The following RBFOX1 variants were observed in gnomAD, a reference collection of about 807,000 sequenced individuals.
The protein encoded by RBFOX1 is RNA binding fox-1 homolog 1.
In RBFOX1, 8 loss-of-function variants were observed where a neutral mutation model predicts 57.7. That is an observed-to-expected ratio of 0.14 (90% CI 0.08 to 0.25). RBFOX1 has a LOEUF of 0.25. RBFOX1 is among the 10% of genes least tolerant of loss of function. The pLI is 1.00. For synonymous variants in RBFOX1, 326 were observed against 222.4 expected (o/e 1.47, Z -4.15); for missense variants, 611 against 548.5 (o/e 1.11, Z -1.14).
chr16:6,965,644 C>G (rs963468187), intron 3 of RBFOX1, among the ~76,000 whole-genome samples: 1 of 152,128 alleles, frequency 6.6e-6, no homozygotes, highest in African/African-American at 2.4e-5. Flanking sequence ...GCTGACAAAT[C>G]CAGTTTTCAC....
chr16:7,028,821 G>C (rs920630704), intron 3 of RBFOX1, among the ~76,000 whole-genome samples: 3 of 151,090 alleles, frequency 2.0e-5, no homozygotes, highest in African/African-American at 7.3e-5. Flanking sequence ...AAAGCCAGCA[G>C]TATGTGGACA....
intron 2 of RBFOX1, among the ~76,000 whole-genome samples, chr16:6,554,795 CACACACAGATAAACACACAG>C (rs1273546253): frequency 3.3e-5 from 5 of 149,606 alleles, no homozygotes; most frequent in African/African-American, 1.3e-4. Flanking sequence ...CACACACAGA[CACACACAGATAAACACACAG>C]ACACACAGAC....
chr16:7,003,458 T>TAA (rs71147633), intron 3 of RBFOX1, among the ~76,000 whole-genome samples: 7,079 of 143,542 alleles, frequency 0.049, 214 homozygotes, highest in Non-Finnish European at 0.069. Flanking sequence ...GACTCCATCT[T>TAA]AAAAAAAAAA....
intron 3 of RBFOX1, among the ~76,000 whole-genome samples, chr16:6,969,104 T>C (rs942442526): frequency 6.6e-6 from 1 of 152,148 alleles, no homozygotes; most frequent in Non-Finnish European, 1.5e-5. Flanking sequence ...TCCTAATGCA[T>C]TGGTTAAGAG....
intron 2 of RBFOX1, among the ~76,000 whole-genome samples, chr16:5,546,827 A>G (rs1027747843): frequency 2.5e-4 from 38 of 152,328 alleles, no homozygotes; most frequent in Middle Eastern, 3.4e-3. Context: ...GACCAGCAAC[A>G]TATTTGGAGA....
rs529438194 is a variant in RBFOX1 at position 5,753,857 on chromosome 16, GA to G, written c.319-113435del. Among the ~76,000 whole-genome samples the G allele has an allele frequency of 4.5e-3, 646 of 142,174 alleles. 8 individuals are homozygous for G. Among genetic ancestry groups the G allele is most frequent in the African/African-American group, 0.015 (597 of 38,846 alleles). The allele number at this position is 142,174 out of a possible 152,430, so 93.3% of individuals were successfully genotyped here. A position where few individuals can be genotyped will look rare whatever the true frequency, so the allele number is the denominator to read the frequency against. ...GTGTTGAGGATATAGAGTTTTCATT[GA>G]AAAAAAAAAACACAAAAATCAATGA... On this transcript the variant is annotated intron_variant, in intron 3 of 19. Coordinates refer to the RBFOX1 transcript ENST00000641259.
At chr16:6,122,226 T>C (rs1389181464) in intron 1 of RBFOX1, among the ~76,000 whole-genome samples, 1 of 152,042 alleles carries the variant, frequency 6.6e-6, no homozygotes, top group Non-Finnish European at 1.5e-5. Flanking sequence ...TTTTTTAATG[T>C]TTTTATTTTC....
chr16:5,776,309 C>T (rs1242767734), intron 3 of RBFOX1, among the ~76,000 whole-genome samples: 1 of 152,222 alleles, frequency 6.6e-6, no homozygotes, highest in African/African-American at 2.4e-5. Flanking sequence ...TATTTTCTCA[C>T]AGGCCACGCT....
chr16:6,613,009 GT>G (rs1483947627), intron 2 of RBFOX1, among the ~76,000 whole-genome samples: 14 of 2,716 alleles, frequency 5.2e-3, no homozygotes, highest in Non-Finnish European at 0.024. Context: ...CAGCATGTGT[GT>G]GTGTGTGTGT....
At chr16:6,672,854 G>A (rs1390065455) in intron 3 of RBFOX1, among the ~76,000 whole-genome samples, 1 of 152,126 alleles carries the variant, frequency 6.6e-6, no homozygotes, top group African/African-American at 2.4e-5. Flanking sequence ...ACCTATCTCT[G>A]ATGTTATGGG....
At chr16:6,576,776 C>G (rs1030672243) in intron 2 of RBFOX1, 2 of 152,148 alleles carry the variant, frequency 1.3e-5, no homozygotes, top group African/African-American at 4.8e-5. Context: ...AAGGAAGTTC[C>G]CACAATCCTG....
At chr16:5,636,646 C>T (rs924398899) in intron 3 of RBFOX1, among the ~76,000 whole-genome samples, 7 of 152,090 alleles carry the variant, frequency 4.6e-5, no homozygotes, top group Admixed American at 6.5e-5. Flanking sequence ...CTTTCGTACT[C>T]GTAGGAATAT....
intron 2 of RBFOX1, among the ~76,000 whole-genome samples, chr16:5,522,297 T>A (rs959974958): frequency 6.6e-6 from 1 of 152,244 alleles, no homozygotes; most frequent in Non-Finnish European, 1.5e-5. Context: ...ATGGGTCTCA[T>A]AATAGAGCTC....
At chr16:5,783,454 T>C (rs2054393511) in intron 3 of RBFOX1, among the ~76,000 whole-genome samples, 1 of 152,170 alleles carries the variant, frequency 6.6e-6, no homozygotes, top group South Asian at 2.1e-4. Context: ...TTTTGAGTAT[T>C]TCATTAAATA....
rs1383687234 is a variant in RBFOX1 at position 5,722,509 on chromosome 16, C to T, written c.318+123548C>T. Among the ~76,000 whole-genome samples the T allele has an allele frequency of 2.6e-5, 4 of 152,278 alleles. No homozygotes were observed. In the East Asian group the frequency reaches 7.7e-4, roughly 29 times the overall value. ...ATCATCTATCCCCGTGTCCAGGTGT[C>T]CCCAGGGGATCAAGGGGGGCATTCA... On this transcript the variant is annotated intron_variant, in intron 3 of 19. Transcript: ENST00000641259.
intron 4 of RBFOX1, among the ~76,000 whole-genome samples, chr16:7,354,670 C>G (rs1158571251): frequency 2.6e-5 from 4 of 152,138 alleles, no homozygotes; most frequent in Non-Finnish European, 5.9e-5. Flanking sequence ...GATATTTTAG[C>G]TGGGGAAGAT....
intron 3 of RBFOX1, among the ~76,000 whole-genome samples, chr16:6,713,260 C>A (rs1417949238): frequency 2.6e-5 from 2 of 76,364 alleles, no homozygotes; most frequent in Non-Finnish European, 5.6e-5. Flanking sequence ...CATATCATAC[C>A]TGGGTTTTTG....
At chr16:6,469,552 G>T (rs995728481) in intron 2 of RBFOX1, among the ~76,000 whole-genome samples, 1 of 152,188 alleles carries the variant, frequency 6.6e-6, no homozygotes, top group Non-Finnish European at 1.5e-5. Context: ...AGATGCAAAT[G>T]CTCGGAGGTA....
chr16:7,308,076 C>T (rs2096233248), intron 4 of RBFOX1, among the ~76,000 whole-genome samples: 1 of 152,120 alleles, frequency 6.6e-6, no homozygotes, highest in Admixed American at 6.5e-5. Flanking sequence ...AAAAGAGAAC[C>T]TATTTTGTTT....
Sources: gnomAD v4.1 joint callset for allele counts (sites outside exome capture counted in the v4.1 genomes callset) on GRCh38, gnomAD v4.1.1 for gene constraint, MANE v1.5 for transcripts, NCBI Gene and HGNC (gene_info 2026-07-23, HGNC 2026-07-21) for gene names.